Variants in FBLN2 observed in about 807,000 individuals in gnomAD.
The protein encoded by FBLN2 is fibulin-2.
In FBLN2, 81 loss-of-function variants were observed where a neutral mutation model predicts 123.7. The observed-to-expected ratio is 0.65, with a 90% confidence interval of 0.55 to 0.79. The LOEUF (loss-of-function observed/expected upper bound fraction) is 0.79. Among genes scored for constraint, FBLN2 ranks in the 30% least tolerant of loss-of-function variants. The probability of loss-of-function intolerance (pLI) is 0.00; values close to 1 mark genes in which losing one functional copy is unlikely to be tolerated. For synonymous variants in FBLN2, 699 were observed against 701.4 expected, an observed-to-expected ratio of 1.00 and a Z score of 0.05; for missense variants, 1,603 against 1,681.3, an observed-to-expected ratio of 0.95 and a Z score of 0.81.
chr3:13,554,964 T>C (rs985548345), intron 1 of FBLN2, among the ~76,000 whole-genome samples: 13 of 74,852 alleles, frequency 1.7e-4, no homozygotes, highest in South Asian at 5.3e-4. Flanking sequence ...TTTTTTTTTT[T>C]TTTTTAAATA....
chr3:13,564,958 G>A (rs1209864192), intron 1 of FBLN2, among the ~76,000 whole-genome samples: 1 of 152,222 alleles, frequency 6.6e-6, no homozygotes, highest in East Asian at 1.9e-4. Context: ...GGCAGCTGGG[G>A]CCTGAGCCAC....
Position 13,603,249 on chromosome 3 carries a change from T to TA in FBLN2, c.1307-4811dup, listed in dbSNP as rs1553620101. Among the ~76,000 whole-genome samples, 303 of 149,746 alleles carry TA rather than the reference T, an allele frequency of 2.0e-3. 2 individuals are homozygous for TA. The South Asian group carries it at 0.03, about 15-fold the overall frequency. ...CTTTTTTTTTAAGTTTTTTTTTTTT[T>TA]AATTATACTTTAAGTTCTAGGGTAC... On this transcript the variant is annotated intron_variant, in intron 2 of 17. Coordinates refer to ENST00000404922, the MANE Select transcript of FBLN2 (RefSeq NM_001004019.2).
chr3:13,552,071 T>G (rs888869644), intron 1 of FBLN2, among the ~76,000 whole-genome samples: 27 of 152,122 alleles, frequency 1.8e-4, no homozygotes, highest in Admixed American at 1.7e-3. Context: ...ACTCTTGGCC[T>G]CAAGTGATCC....
chr3:13,573,277 C>A (rs191835447), intron 2 of FBLN2, among the ~76,000 whole-genome samples: 1 of 152,102 alleles, frequency 6.6e-6, no homozygotes, highest in Non-Finnish European at 1.5e-5. Context: ...GGCCTTTGCA[C>A]GTGCTGTTTC....
chr3:13,585,786 T>G (rs77541774), intron 2 of FBLN2, among the ~76,000 whole-genome samples: 9,426 of 152,222 alleles, frequency 0.062, 413 homozygotes, highest in East Asian at 0.25. Context: ...AGTGAAACTC[T>G]GTCTCAAAAA....
intron 2 of FBLN2, among the ~76,000 whole-genome samples, chr3:13,588,486 G>T (rs1704576049): frequency 6.6e-6 from 1 of 152,220 alleles, no homozygotes; most frequent in Non-Finnish European, 1.5e-5. Context: ...TGGCCCTGTG[G>T]CTTCTCATTG....
chr3:13,575,429 T>G (rs991677290), intron 2 of FBLN2, among the ~76,000 whole-genome samples: 1 of 152,154 alleles, frequency 6.6e-6, no homozygotes, highest in African/African-American at 2.4e-5. Flanking sequence ...CACCAAACGC[T>G]GCAGCTGCCT....
At position 13,619,000 on chromosome 3, in the gene FBLN2, A is replaced by G. The variant is rs1482804145; in HGVS notation, c.2036A>G (p.Gln679Arg). The G allele has an allele frequency of 6.2e-7, 1 of 1,611,620 alleles. No homozygotes were observed. Among genetic ancestry groups the G allele is most frequent in the Admixed American group, 1.7e-5 (1 of 59,750 alleles). ...AACACCATCCCGCTGCCACTGCCGC[A>G]GCCCAATACCTGCAAAGGTAAGCAG... ...ASNTIPLPLP[Q>R]PNTCKDNGPC... The change falls in exon 7 of 18, where the codon CAG becomes CGG. Residue 679 changes from glutamine to arginine, a missense_variant. Gln to Arg is a conservative substitution (Grantham distance 43). Coordinates refer to ENST00000404922, the MANE Select transcript of FBLN2 (RefSeq NM_001004019.2).
intron 2 of FBLN2, among the ~76,000 whole-genome samples, chr3:13,581,120 TA>T (rs1574958512): frequency 6.6e-6 from 1 of 151,174 alleles, no homozygotes; most frequent in African/African-American, 2.4e-5. Flanking sequence ...ATGATTAAGA[TA>T]GACTTGAGAT....
At chr3:13,580,276 T>A (rs556504638) in intron 2 of FBLN2, among the ~76,000 whole-genome samples, 5 of 152,298 alleles carry the variant, frequency 3.3e-5, no homozygotes, top group Non-Finnish European at 7.4e-5. Flanking sequence ...GGACGTATTT[T>A]TATAGCCCTG....
chr3:13,630,631 C>T (rs1706223866), intron 14 of FBLN2, 68 bp from the exon 15 acceptor site: 2 of 1,327,898 alleles, frequency 1.5e-6, no homozygotes, highest in Admixed American at 2.0e-5. Context: ...GGCTGTCAGA[C>T]AGCATTTGGA....
At chr3:13,582,946 G>A (rs1704381145) in intron 2 of FBLN2, among the ~76,000 whole-genome samples, 3 of 152,274 alleles carry the variant, frequency 2.0e-5, no homozygotes, top group African/African-American at 7.2e-5. Flanking sequence ...AGCCAGGCCT[G>A]GCAGGGTTGG....
chr3:13,596,469 G>C (rs982106577), intron 2 of FBLN2, among the ~76,000 whole-genome samples: 2 of 152,138 alleles, frequency 1.3e-5, no homozygotes, highest in Admixed American at 6.5e-5. Flanking sequence ...TGTGTTCATG[G>C]GAGCATCTCA....
At chr3:13,551,651 C>G (rs1026174) in intron 1 of FBLN2, among the ~76,000 whole-genome samples, 121,413 of 151,988 alleles carry the variant, frequency 0.8, 49,070 homozygotes, top group East Asian at 1. Flanking sequence ...ATCCACACCT[C>G]ACACGCAATA....
At chr3:13,553,848 C>G (rs1170213138) in intron 1 of FBLN2, among the ~76,000 whole-genome samples, 1 of 152,238 alleles carries the variant, frequency 6.6e-6, no homozygotes, top group African/African-American at 2.4e-5. Flanking sequence ...CAGGCAGACC[C>G]TGCCAGTCCC....
At position 13,609,464 on chromosome 3, in the gene FBLN2, G is replaced by T. The variant is rs1261305656; in HGVS notation, c.1419-49G>T. On this transcript the variant is annotated intron_variant, in intron 3 of 17. Transcript: ENST00000404922. ...CTGAGCCTCACTCACTTTCCACTCT[G>T]GGAGGATGAGGTGGGCGACTGGGGG... 5.3e-6 allele frequency: 8 copies of T among 1,510,316 alleles called. No homozygotes were observed. The South Asian group carries it at 9.0e-5, about 17-fold the overall frequency. 93.6% of individuals were successfully genotyped at this position (1,510,316 alleles called of 1,614,324 possible).
At chr3:13,614,948 C>G (rs1031579941) in intron 5 of FBLN2, among the ~76,000 whole-genome samples, 3 of 151,180 alleles carry the variant, frequency 2.0e-5, no homozygotes, top group African/African-American at 7.3e-5. Flanking sequence ...ATCCACCCAC[C>G]CATCCGTCTG....
In FBLN2 at chr3:13,595,371, G is replaced by A. The variant is rs1016879453; in HGVS notation, c.1307-12691G>A. 5.9e-5 allele frequency among the ~76,000 whole-genome samples: 9 copies of A among 152,232 alleles called. No individual in the cohort carries two copies. In the East Asian group the frequency reaches 9.7e-4, roughly 16 times the overall value. Reference sequence around the variant, plus strand: ...CTCAGGCAGAGCCCGCTGCCTGGCCGCTCCTGCTGTTTCTTAGCCATCCCC... The same window carrying A: ...CTCAGGCAGAGCCCGCTGCCTGGCCACTCCTGCTGTTTCTTAGCCATCCCC... On this transcript the variant is annotated intron_variant, in intron 2 of 17. Coordinates refer to ENST00000404922, the MANE Select transcript of FBLN2 (RefSeq NM_001004019.2).
Position 13,629,811 on chromosome 3 carries a change from C to T in FBLN2, c.2843-9C>T, listed in dbSNP as rs1264558726. The T allele has an allele frequency of 6.4e-7, 1 of 1,565,232 alleles. No individual in the cohort carries two copies. On this transcript the variant is annotated splice_polypyrimidine_tract_variant and intron_variant, in intron 13 of 17. Transcript: ENST00000404922. Reference sequence around the variant, plus strand: ...ACCTACCCTGTACCTGCTGCCTGCCCTCCCACAGACGTGAATGAGTGCTGG... The same window carrying T: ...ACCTACCCTGTACCTGCTGCCTGCCTTCCCACAGACGTGAATGAGTGCTGG...
Sources: gnomAD v4.1 joint callset for allele counts (sites outside exome capture counted in the v4.1 genomes callset) on GRCh38, gnomAD v4.1.1 for gene constraint, MANE v1.5 for transcripts, NCBI Gene and HGNC (gene_info 2026-07-23, HGNC 2026-07-21) for gene names.